Variants in ZBTB20 observed in about 807,000 individuals in gnomAD.
ZBTB20 encodes the protein zinc finger and BTB domain containing 20.
A neutral mutation model predicts 56.9 loss-of-function variants in ZBTB20; 9 were observed. The ratio of observed to expected loss-of-function variants is 0.16; its 90% confidence interval spans 0.10 to 0.28. The LOEUF (loss-of-function observed/expected upper bound fraction) is 0.28. Among genes scored for constraint, ZBTB20 ranks in the 10% least tolerant of loss-of-function variants. The probability of loss-of-function intolerance (pLI) is 1.00; values close to 1 mark genes in which losing one functional copy is unlikely to be tolerated. For synonymous variants in ZBTB20, 417 were observed against 420.7 expected, an observed-to-expected ratio of 0.99 and a Z score of 0.11; for missense variants, 655 against 1,003.0, an observed-to-expected ratio of 0.65 and a Z score of 4.69.
intron 4 of ZBTB20, among the ~76,000 whole-genome samples, chr3:114,841,167 G>A (rs1182080116): frequency 1.3e-5 from 2 of 152,136 alleles, no homozygotes; most frequent in African/African-American, 4.8e-5. Flanking sequence ...CACATTACAG[G>A]AATGCAATGT....
At chr3:114,381,560 T>A (rs2084344870) in intron 8 of ZBTB20, among the ~76,000 whole-genome samples, 1 of 152,234 alleles carries the variant, frequency 6.6e-6, no homozygotes, top group African/African-American at 2.4e-5. Flanking sequence ...TATGTGGACA[T>A]GACCAGAAAA....
intron 6 of ZBTB20, among the ~76,000 whole-genome samples, chr3:114,650,692 T>C (rs1480416698): frequency 6.6e-6 from 1 of 151,974 alleles, no homozygotes; most frequent in East Asian, 1.9e-4. Context: ...ATTTCAACCA[T>C]AAATGCTTTT....
intron 6 of ZBTB20, among the ~76,000 whole-genome samples, chr3:114,673,672 C>G (rs1402069395): frequency 3.9e-5 from 6 of 152,112 alleles, no homozygotes; most frequent in Non-Finnish European, 7.4e-5. Flanking sequence ...AAAATGACAG[C>G]TGCATTGTAA....
chr3:114,977,703 T>C (rs890117995), intron 2 of ZBTB20, among the ~76,000 whole-genome samples: 7 of 152,226 alleles, frequency 4.6e-5, no homozygotes, highest in Admixed American at 3.3e-4. Context: ...AAAATACATA[T>C]GTATAATTTT....
At chr3:114,873,792 C>T (rs1023309856) in intron 4 of ZBTB20, 1 of 152,152 alleles carries the variant, frequency 6.6e-6, no homozygotes, top group Non-Finnish European at 1.5e-5. Flanking sequence ...CCAAAGGGCC[C>T]CCAACAGGCT....
intron 5 of ZBTB20, among the ~76,000 whole-genome samples, chr3:114,779,324 G>A (rs1021715191): frequency 2.0e-5 from 3 of 152,052 alleles, no homozygotes; most frequent in African/African-American, 7.2e-5. Flanking sequence ...AACCCAATAG[G>A]CAATTGTTAA....
chr3:115,128,579 G>C (rs1375360227), intron 1 of ZBTB20, among the ~76,000 whole-genome samples: 2 of 151,660 alleles, frequency 1.3e-5, no homozygotes, highest in African/African-American at 4.9e-5. Context: ...CATGAGAATC[G>C]CTTGAACCCA....
At chr3:114,595,146 C>T (rs1577840816) in intron 6 of ZBTB20, among the ~76,000 whole-genome samples, 1 of 152,170 alleles carries the variant, frequency 6.6e-6, no homozygotes, top group Non-Finnish European at 1.5e-5. Flanking sequence ...TTTGTCCATC[C>T]ATGCTGCCTA....
chr3:115,032,687 A>G (rs1177423476), intron 2 of ZBTB20, among the ~76,000 whole-genome samples: 1 of 151,448 alleles, frequency 6.6e-6, no homozygotes, highest in African/African-American at 2.4e-5. Context: ...AATATCATAC[A>G]AAGTATCCTT....
chr3:115,010,310 T>C (rs1435212774), intron 2 of ZBTB20, among the ~76,000 whole-genome samples: 2 of 151,898 alleles, frequency 1.3e-5, no homozygotes, highest in Non-Finnish European at 2.9e-5. Flanking sequence ...CATCAGGCCT[T>C]AGGTGAAACC....
chr3:114,926,263 A>T (rs1229229605), intron 3 of ZBTB20, among the ~76,000 whole-genome samples: 1 of 151,850 alleles, frequency 6.6e-6, no homozygotes, highest in African/African-American at 2.4e-5. Flanking sequence ...AACTCACTTC[A>T]TCTCATGACA....
At chr3:115,126,101 T>C (rs547679926) in intron 1 of ZBTB20, among the ~76,000 whole-genome samples, 30 of 152,308 alleles carry the variant, frequency 2.0e-4, no homozygotes, top group African/African-American at 7.2e-4. Context: ...CACATATACA[T>C]GTTCACAGCC....
At chr3:114,853,192 G>A (rs2075081582) in intron 4 of ZBTB20, among the ~76,000 whole-genome samples, 1 of 152,120 alleles carries the variant, frequency 6.6e-6, no homozygotes, top group Admixed American at 6.5e-5. Context: ...ATCATCTGTT[G>A]TAGAACAAGC....
chr3:114,559,054 T>C (rs1021030606), intron 6 of ZBTB20, among the ~76,000 whole-genome samples: 14 of 152,200 alleles, frequency 9.2e-5, no homozygotes, highest in African/African-American at 3.1e-4. Flanking sequence ...TTAGTGAGTT[T>C]ACATGTTTAT....
intron 2 of ZBTB20, among the ~76,000 whole-genome samples, chr3:115,064,403 G>A (rs914478148): frequency 3.4e-5 from 5 of 148,910 alleles, no homozygotes; most frequent in African/African-American, 1.2e-4. Flanking sequence ...GGTAGTTTGG[G>A]TGTAGAATTC....
intron 3 of ZBTB20, among the ~76,000 whole-genome samples, chr3:114,945,049 C>T (rs1332627929): frequency 1.4e-5 from 2 of 145,466 alleles, no homozygotes; most frequent in Non-Finnish European, 3.0e-5. Flanking sequence ...ATTAATTCTA[C>T]AATGTAAACA....
At chr3:114,877,692 T>A (rs1389264297) in intron 4 of ZBTB20, among the ~76,000 whole-genome samples, 2 of 152,196 alleles carry the variant, frequency 1.3e-5, no homozygotes, top group African/African-American at 4.8e-5. Context: ...CTTTTAAAAA[T>A]CTATTTTAAT....
intron 5 of ZBTB20, among the ~76,000 whole-genome samples, chr3:114,741,895 A>G (rs2066622987): frequency 6.6e-6 from 1 of 151,810 alleles, no homozygotes; most frequent in Admixed American, 6.6e-5. Flanking sequence ...AAAAAAGAAA[A>G]GAAAAAAAGA....
chr3:114,934,880 A>G (rs949143958), intron 3 of ZBTB20, among the ~76,000 whole-genome samples: 21 of 152,328 alleles, frequency 1.4e-4, no homozygotes, highest in African/African-American at 5.1e-4. Flanking sequence ...TTCAGTTTTA[A>G]AAAGATTTTC....
Sources: gnomAD v4.1 joint callset for allele counts (sites outside exome capture counted in the v4.1 genomes callset) on GRCh38, gnomAD v4.1.1 for gene constraint, MANE v1.5 for transcripts, NCBI Gene and HGNC (gene_info 2026-07-23, HGNC 2026-07-21) for gene names.